The following ATP5F1C variants were observed in gnomAD, a reference collection of about 807,000 sequenced individuals.
ATP5F1C encodes ATP synthase F1 subunit gamma.
ATP5F1C carries 22 observed loss-of-function variants against 37.4 expected under a neutral mutation model. The ratio of observed to expected loss-of-function variants is 0.59; its 90% confidence interval spans 0.42 to 0.84. ATP5F1C has a LOEUF of 0.84. Ranked by LOEUF, ATP5F1C falls within the 40% of genes least tolerant of loss-of-function variation. ATP5F1C has a pLI of 0.00. For synonymous variants in ATP5F1C, 121 were observed against 128.0 expected, an observed-to-expected ratio of 0.95 and a Z score of 0.37; for missense variants, 286 against 362.4, an observed-to-expected ratio of 0.79 and a Z score of 1.71.
intron 3 of ATP5F1C, 40 bp from the exon 4 acceptor site, chr10:7,798,950 A>G: frequency 6.5e-7 from 1 of 1,541,148 alleles, no homozygotes; most frequent in Non-Finnish European, 8.9e-7. Flanking sequence ...TATTTAGTGT[A>G]TTGCATATAA....
intron 1 of ATP5F1C, among the ~76,000 whole-genome samples, chr10:7,794,280 T>A (rs549536687): frequency 3.9e-5 from 6 of 152,324 alleles, no homozygotes; most frequent in African/African-American, 1.4e-4. Context: ...TTTTATTCTT[T>A]GGGATTTTCT....
intron 4 of ATP5F1C, chr10:7,799,562 A>G: frequency 1.7e-6 from 1 of 602,978 alleles, no homozygotes; most frequent in Non-Finnish European, 2.9e-6. Context: ...GGAAAAGAAT[A>G]TAAAACAGAC....
At chr10:7,792,438 T>C (rs1276982938) in intron 1 of ATP5F1C, among the ~76,000 whole-genome samples, 2 of 152,178 alleles carry the variant, frequency 1.3e-5, no homozygotes, top group African/African-American at 4.8e-5. Flanking sequence ...TCCACGGATT[T>C]GGACAAATGC....
chr10:7,802,279 G>T lies in ATP5F1C; in HGVS notation c.647G>T (p.Ser216Ile). The T allele has an allele frequency of 6.2e-7, 1 of 1,609,442 alleles. No individual in the cohort carries two copies. Among genetic ancestry groups the T allele is most frequent in the Non-Finnish European group, 8.5e-7 (1 of 1,178,316 alleles). Residue 216 changes from serine (S) to isoleucine (I), a missense_variant, in exon 7 of 10, where the codon AGT becomes ATT. Physicochemically the swap from Ser to Ile is moderately radical, Grantham distance 142. Transcript: ENST00000356708. ...LNTVASADSM[S>I]IYDDIDADVL... ...TCACTTGTTTTAACAGACAGCATGAGTATCTATGACGATATTGATGCTGAC... is the reference window on the plus strand; with the variant it reads ...TCACTTGTTTTAACAGACAGCATGATTATCTATGACGATATTGATGCTGAC...
intron 1 of ATP5F1C, among the ~76,000 whole-genome samples, chr10:7,794,228 G>A (rs1328676457): frequency 6.6e-6 from 1 of 152,126 alleles, no homozygotes; most frequent in African/African-American, 2.4e-5. Flanking sequence ...CTTATATCCT[G>A]CAACCTTGTC....
intron 1 of ATP5F1C, among the ~76,000 whole-genome samples, chr10:7,793,566 T>C (rs1836194619): frequency 6.6e-6 from 1 of 152,162 alleles, no homozygotes; most frequent in South Asian, 2.1e-4. Flanking sequence ...TCTCCCAGCC[T>C]GTGGATTGAC....
chr10:7,806,049 G>T (rs939018910), intron 8 of ATP5F1C, among the ~76,000 whole-genome samples: 2 of 152,170 alleles, frequency 1.3e-5, no homozygotes, highest in African/African-American at 4.8e-5. Flanking sequence ...TCGTGCCACT[G>T]CACAAAACCA....
chr10:7,807,239 G>A (rs1564335957), intron 9 of ATP5F1C, among the ~76,000 whole-genome samples: 1 of 152,130 alleles, frequency 6.6e-6, no homozygotes, highest in African/African-American at 2.4e-5. Flanking sequence ...TTTGAGGATA[G>A]AGAATTAACA....
Position 7,788,188 on chromosome 10 carries a change from T to C in ATP5F1C, c.-20T>C. Reference sequence around the variant, plus strand: ...GCGCTGAGGCCTGCCTGACCGACCTTCAGCAGGGCTGTGGCTACCATGTTC... The same window carrying C: ...GCGCTGAGGCCTGCCTGACCGACCTCCAGCAGGGCTGTGGCTACCATGTTC... On this transcript the variant is annotated 5_prime_UTR_variant, in exon 1 of 10. Coordinates refer to ENST00000356708, the MANE Select transcript of ATP5F1C (RefSeq NM_001001973.3). The C allele has an allele frequency of 6.2e-7, 1 of 1,612,788 alleles. No individual in the cohort carries two copies. Among genetic ancestry groups the C allele is most frequent in the Non-Finnish European group, 8.5e-7 (1 of 1,179,870 alleles).
Position 7,797,155 on chromosome 10 carries a change from G to A in ATP5F1C, c.200G>A (p.Arg67Gln), listed in dbSNP as rs1467623216. 4 of 1,613,946 alleles carry A rather than the reference G, an allele frequency of 2.5e-6. No individual in the cohort carries two copies. Among genetic ancestry groups the A allele is most frequent in the East Asian group, 4.5e-5 (2 of 44,886 alleles). ...GCTGAGAGAGAGCTGAAACCAGCTCGAATATATGGATTGGGATCTTTAGGT... is the reference window on the plus strand; with the variant it reads ...GCTGAGAGAGAGCTGAAACCAGCTCAAATATATGGATTGGGATCTTTAGGT... Reference protein sequence around the residue: ...ARAERELKPARIYGLGSLALY... With the variant: ...ARAERELKPAQIYGLGSLALY... The change falls in exon 3 of 10, where the codon CGA becomes CAA. Residue 67 changes from arginine (R) to glutamine (Q), a missense_variant. By Grantham distance (43) the Arg-to-Gln change is conservative. Transcript: ENST00000356708.
chr10:7,798,236 T>C (rs1220089334), intron 3 of ATP5F1C, among the ~76,000 whole-genome samples: 1 of 151,950 alleles, frequency 6.6e-6, no homozygotes, highest in African/African-American at 2.4e-5. Context: ...TTGTTTGTTT[T>C]CTTTTTGTGT....
intron 1 of ATP5F1C, 56 bp from the exon 2 acceptor site, chr10:7,796,065 G>A: frequency 7.3e-7 from 1 of 1,374,982 alleles, no homozygotes; most frequent in Non-Finnish European, 1.0e-6. Context: ...AGTTTTTCTT[G>A]TATAATGGAA....
At chr10:7,801,908 T>G (rs954795986) in intron 6 of ATP5F1C, among the ~76,000 whole-genome samples, 1 of 152,200 alleles carries the variant, frequency 6.6e-6, no homozygotes, top group African/African-American at 2.4e-5. Flanking sequence ...ATTATTATTC[T>G]TTTTTACTGG....
chr10:7,798,553 C>A (rs1328339438), intron 3 of ATP5F1C, among the ~76,000 whole-genome samples: 1 of 152,214 alleles, frequency 6.6e-6, no homozygotes, highest in Non-Finnish European at 1.5e-5. Context: ...GCTACAGGCG[C>A]CCGCCACCAC....
intron 1 of ATP5F1C, among the ~76,000 whole-genome samples, chr10:7,795,813 C>A (rs1429234513): frequency 1.3e-5 from 2 of 152,126 alleles, no homozygotes; most frequent in African/African-American, 4.8e-5. Flanking sequence ...GCTTTTCTGT[C>A]ATGGAAACAA....
intron 7 of ATP5F1C, 121 bp downstream of exon 7, chr10:7,802,546 G>A (rs1836390839): frequency 5.6e-6 from 7 of 1,249,798 alleles, no homozygotes; most frequent in Non-Finnish European, 7.8e-6. Context: ...TCCTGTACCT[G>A]TAAGAAAGTA....
chr10:7,796,291 T>G, intron 2 of ATP5F1C, 136 bp downstream of exon 2: 2 of 705,420 alleles, frequency 2.8e-6, no homozygotes, highest in Admixed American at 7.4e-5. Context: ...CATTGTATGT[T>G]TGGGACATTG....
At chr10:7,800,922 A>G (rs1836352495) in intron 6 of ATP5F1C, among the ~76,000 whole-genome samples, 1 of 152,242 alleles carries the variant, frequency 6.6e-6, no homozygotes, top group African/African-American at 2.4e-5. Context: ...GTTCATCATT[A>G]GATTTTTTTG....
At chr10:7,803,423 C>T (rs1836409569) in intron 8 of ATP5F1C, among the ~76,000 whole-genome samples, 1 of 152,116 alleles carries the variant, frequency 6.6e-6, no homozygotes, top group Admixed American at 6.5e-5. Context: ...ATAAAAAATG[C>T]ACATCCTCTC....
Sources: allele counts gnomAD v4.1 joint callset (sites outside exome capture counted in the v4.1 genomes callset), GRCh38; gene constraint gnomAD v4.1.1; transcripts MANE v1.5; gene names NCBI Gene and HGNC (gene_info 2026-07-23, HGNC 2026-07-21).